Variants in MAPKBP1 observed in about 807,000 individuals in gnomAD.
The protein encoded by MAPKBP1 is mitogen-activated protein kinase binding protein 1, also known as mitogen-activated protein kinase-binding protein 1.
MAPKBP1 carries 71 observed loss-of-function variants against 170.5 expected under a neutral mutation model. That is an observed-to-expected ratio of 0.42 (90% confidence interval 0.34 to 0.51). MAPKBP1 has a LOEUF of 0.51. Ranked by LOEUF, MAPKBP1 falls within the 20% of genes least tolerant of loss-of-function variation. The probability of loss-of-function intolerance (pLI) is 0.06; values close to 1 mark genes in which losing one functional copy is unlikely to be tolerated. For missense variants in MAPKBP1, 1,598 were observed against 1,933.0 expected (o/e 0.83, Z 3.25); for synonymous variants, 719 against 757.9 (o/e 0.95, Z 0.84).
chr15:41,811,540 A>AGTGCTGGTAAG, intron 5 of MAPKBP1: 1 of 649,782 alleles, frequency 1.5e-6, no homozygotes, highest in Non-Finnish European at 2.8e-6. Context: ...TGGTGAAGGA[A>AGTGCTGGTAAG]GCGTGCTTTG....
At position 41,818,048 on chromosome 15, in the gene MAPKBP1, T is replaced by A. The variant is rs780160402; in HGVS notation, c.1944T>A (p.Phe648Leu). 1 of 1,614,082 alleles carries A rather than the reference T, an allele frequency of 6.2e-7. No homozygotes were observed. Among genetic ancestry groups the A allele is most frequent in the South Asian group, 1.1e-5 (1 of 91,088 alleles). ...NISSGKQKKL[F>L]KGSQGEDGTL... ...GCAGTGGAAAGCAGAAGAAGCTGTT[T>A]AAAGGGTCACAGGGTGAGGACGGCA... The change falls in exon 17 of 31, where the codon TTT becomes TTA. Residue 648 changes from phenylalanine to leucine, a missense_variant. By Grantham distance (22) the Phe-to-Leu change is conservative. Transcript: ENST00000457542. This position sits in a 1 kb window ranked among gnomAD's most constrained non-coding sequence, Gnocchi z 5.2.
At chr15:41,819,452 T>G in intron 21 of MAPKBP1, 73 bp downstream of exon 21, 1 of 1,587,028 alleles carries the variant, frequency 6.3e-7, no homozygotes, top group Non-Finnish European at 8.6e-7. Context: ...TTTCTGAGAC[T>G]GTGGGGTGAG....
chr15:41,824,456 C>T, intron 29 of MAPKBP1, 28 bp from the exon 30 acceptor site: 1 of 1,559,242 alleles, frequency 6.4e-7, no homozygotes, highest in Non-Finnish European at 8.7e-7. Flanking sequence ...CATGCTGGGC[C>T]TCACTGAGCT....
At chr15:41,801,122 A>G (rs1567142543) in intron 3 of MAPKBP1, among the ~76,000 whole-genome samples, 1 of 152,228 alleles carries the variant, frequency 6.6e-6, no homozygotes. Context: ...CACTGGATGG[A>G]TGTAGCACAT....
At chr15:41,798,609 G>A (rs533223513) in intron 2 of MAPKBP1, among the ~76,000 whole-genome samples, 221 of 152,204 alleles carry the variant, frequency 1.5e-3, no homozygotes, top group Non-Finnish European at 2.6e-3. Flanking sequence ...TAATTCTGCG[G>A]TTGGAGCAAT....
intron 2 of MAPKBP1, among the ~76,000 whole-genome samples, chr15:41,796,938 A>C (rs578115790): frequency 7.9e-5 from 12 of 152,338 alleles, no homozygotes; most frequent in Admixed American, 3.3e-4. Context: ...TAGAAAATAG[A>C]GTATATTGTA....
intron 3 of MAPKBP1, among the ~76,000 whole-genome samples, chr15:41,800,125 A>G (rs920923059): frequency 1.3e-5 from 2 of 151,964 alleles, no homozygotes; most frequent in Non-Finnish European, 2.9e-5. Context: ...TCAGTTATCT[A>G]CCCCACCTCC....
At position 41,817,543 on chromosome 15, in the gene MAPKBP1, G is replaced by A; in HGVS notation, c.1783-71G>A. ...CTAAGGTTACAAGAGGTGAAGGGAG[G>A]CGCAAGTAGGGCTCTTGGGGCCTGG... On this transcript the variant is annotated intron_variant, in intron 15 of 30. Coordinates refer to ENST00000457542, the MANE Select transcript of MAPKBP1 (RefSeq NM_014994.3). The surrounding 1 kb of genome is among the most constrained non-coding windows in gnomAD (Gnocchi z 4.2). The A allele has an allele frequency of 1.9e-6, 3 of 1,613,472 alleles. No individual in the cohort carries two copies. Among genetic ancestry groups the A allele is most frequent in the Admixed American group, 3.3e-5 (2 of 60,020 alleles).
chr15:41,809,857 G>A (rs1389332407), intron 3 of MAPKBP1, among the ~76,000 whole-genome samples: 1 of 152,266 alleles, frequency 6.6e-6, no homozygotes, highest in African/African-American at 2.4e-5. Context: ...GGCAGGCAGA[G>A]TCCCTGATTC....
intron 4 of MAPKBP1, 28 bp downstream of exon 4, chr15:41,810,973 C>G: frequency 6.2e-7 from 1 of 1,613,164 alleles, no homozygotes. Context: ...CTCAGGATAC[C>G]TCTTCCTTCT....
chr15:41,809,592 C>T (rs1349682421), intron 3 of MAPKBP1, among the ~76,000 whole-genome samples: 5 of 152,200 alleles, frequency 3.3e-5, no homozygotes, highest in African/African-American at 4.8e-5. Context: ...CTTTCCTATT[C>T]GCAGTCTCCA....
chr15:41,811,302 C>A (rs1022910603), intron 5 of MAPKBP1, 67 bp downstream of exon 5: 3 of 1,561,222 alleles, frequency 1.9e-6, no homozygotes, highest in Non-Finnish European at 2.6e-6. Flanking sequence ...CAGAGAGCTG[C>A]GGTCCTAGGC....
At chr15:41,787,676 T>C (rs1168635747) in intron 2 of MAPKBP1, among the ~76,000 whole-genome samples, 1 of 151,934 alleles carries the variant, frequency 6.6e-6, no homozygotes, top group Non-Finnish European at 1.5e-5. Context: ...GCGAACACAT[T>C]CTTTAATTAT....
At chr15:41,779,037 T>C (rs2064140441) in intron 2 of MAPKBP1, among the ~76,000 whole-genome samples, 1 of 152,208 alleles carries the variant, frequency 6.6e-6, no homozygotes, top group Admixed American at 6.5e-5. Context: ...TCTTTCTCTA[T>C]TTGTTTCCCC....
At position 41,822,001 on chromosome 15, in the gene MAPKBP1, G is replaced by A; in HGVS notation, c.2922G>A (p.Leu974=). ...FQVQAPARGT[L]GRVYPGSRSS... is the part of the protein sequence containing the mutation. The stretch of plus-strand genomic sequence containing the variant: ...TGCAGGCTCCAGCCCGGGGAACTCT[G>A]GGAAGAGTGTACCCAGGCAGCAGGA... The change falls in exon 25 of 31, where the codon CTG becomes CTA. Residue 974 remains leucine, a synonymous_variant. Transcript: ENST00000457542. 6.2e-7 allele frequency: 1 copy of A among 1,610,488 alleles called. No homozygotes were observed. The highest frequency in any genetic ancestry group is 2.2e-5 in the East Asian group (1 of 44,688).
At position 41,825,526 on chromosome 15, in the gene MAPKBP1, G is replaced by T; in HGVS notation, c.*90G>T. 1 of 1,200,432 alleles carries T rather than the reference G, an allele frequency of 8.3e-7. No individual in the cohort carries two copies. The highest frequency in any genetic ancestry group is 1.2e-6 in the Non-Finnish European group (1 of 863,268). 74.4% of individuals were successfully genotyped at this position (1,200,432 alleles called of 1,614,324 possible). ...CTCACCAAAACCTGCGGGGCTGCTTGGAGTGGAAAGCAGGGAGCAGTGTTC... is the reference window on the plus strand; with the variant it reads ...CTCACCAAAACCTGCGGGGCTGCTTTGAGTGGAAAGCAGGGAGCAGTGTTC... On this transcript the variant is annotated 3_prime_UTR_variant, in exon 31 of 31. Coordinates refer to ENST00000457542, the MANE Select transcript of MAPKBP1 (RefSeq NM_014994.3).
intron 2 of MAPKBP1, among the ~76,000 whole-genome samples, chr15:41,784,780 CAAA>C (rs35050206): frequency 1.1e-5 from 1 of 94,864 alleles, no homozygotes. Context: ...GACTCCGTCT[CAAA>C]AAAAAAAAAA....
At chr15:41,788,714 T>C (rs2152070468) in intron 2 of MAPKBP1, among the ~76,000 whole-genome samples, 1 of 152,272 alleles carries the variant, frequency 6.6e-6, no homozygotes, top group African/African-American at 2.4e-5. Context: ...AGGTGAGTAG[T>C]AGGAAATAGA....
intron 5 of MAPKBP1, chr15:41,811,496 T>C: frequency 1.5e-6 from 1 of 683,926 alleles, no homozygotes; most frequent in Admixed American, 2.0e-5. Context: ...GAAATGTGCA[T>C]TTGTAACAAG....
Sources: allele counts gnomAD v4.1 joint callset (sites outside exome capture counted in the v4.1 genomes callset), GRCh38; gene constraint gnomAD v4.1.1; non-coding constraint Gnocchi (gnomAD v3.1); transcripts MANE v1.5; gene names NCBI Gene and HGNC (gene_info 2026-07-23, HGNC 2026-07-21).